THRB: variants seen among roughly 807,000 people sequenced by gnomAD.
The protein encoded by THRB is thyroid hormone receptor beta, also known as nuclear receptor subfamily 1 group A member 2.
A neutral mutation model predicts 47.8 loss-of-function variants in THRB; 12 were observed. The ratio of observed to expected loss-of-function variants is 0.25; its 90% CI spans 0.16 to 0.41. The LOEUF is 0.41. THRB is among the 10% of genes least tolerant of loss of function. The probability of loss-of-function intolerance (pLI) is 1.00; values close to 1 mark genes in which losing one functional copy is unlikely to be tolerated. For missense variants in THRB, 348 were observed against 589.2 expected, an observed-to-expected ratio of 0.59 and a Z score of 4.24; for synonymous variants, 218 against 212.2, an observed-to-expected ratio of 1.03 and a Z score of -0.24.
At chr3:24,442,571 T>A (rs2071634121) in intron 1 of THRB, among the ~76,000 whole-genome samples, 1 of 152,198 alleles carries the variant, frequency 6.6e-6, no homozygotes, top group Non-Finnish European at 1.5e-5. Flanking sequence ...ACGCCTGTAA[T>A]CCCAGCACTT....
chr3:24,350,309 G>A (rs1485481163), intron 1 of THRB, among the ~76,000 whole-genome samples: 1 of 152,024 alleles, frequency 6.6e-6, no homozygotes, highest in Non-Finnish European at 1.5e-5. Context: ...ATCTCCTAAA[G>A]CTGAATACAC....
intron 1 of THRB, among the ~76,000 whole-genome samples, chr3:24,382,144 T>G (rs560964207): frequency 1.3e-5 from 2 of 151,972 alleles, no homozygotes; most frequent in African/African-American, 4.8e-5. Context: ...AAAGATAAGA[T>G]GAACAGATAA....
chr3:24,397,795 G>C, intron 1 of THRB, among the ~76,000 whole-genome samples: 1 of 151,884 alleles, frequency 6.6e-6, no homozygotes, highest in East Asian at 1.9e-4. Flanking sequence ...ATGTTGGTCA[G>C]GCTGGTTTCA....
chr3:24,374,933 G>A (rs546640387), intron 1 of THRB, among the ~76,000 whole-genome samples: 1 of 151,974 alleles, frequency 6.6e-6, no homozygotes, highest in Non-Finnish European at 1.5e-5. Context: ...ATACTTACCA[G>A]GCATGTAAAA....
intron 1 of THRB, among the ~76,000 whole-genome samples, chr3:24,355,389 TC>T (rs2063612062): frequency 6.6e-6 from 1 of 152,118 alleles, no homozygotes; most frequent in Admixed American, 6.6e-5. Context: ...CAGCATGATA[TC>T]CTGGAATGGA....
At chr3:24,289,610 A>G (rs1415739478) in intron 3 of THRB, among the ~76,000 whole-genome samples, 1 of 152,364 alleles carries the variant, frequency 6.6e-6, no homozygotes, top group Non-Finnish European at 1.5e-5. Flanking sequence ...CGTGAAAATT[A>G]AAATACCACT....
chr3:24,472,741 G>A (rs1232113000), intron 1 of THRB, among the ~76,000 whole-genome samples: 1 of 152,106 alleles, frequency 6.6e-6, no homozygotes, highest in Non-Finnish European at 1.5e-5. Flanking sequence ...ATAATGGAAG[G>A]GAACACTATT....
chr3:24,437,493 T>C (rs1487277279), intron 1 of THRB, among the ~76,000 whole-genome samples: 2 of 152,084 alleles, frequency 1.3e-5, no homozygotes, highest in Non-Finnish European at 2.9e-5. Context: ...TAGTTAACAA[T>C]TGACTGTACA....
intron 3 of THRB, among the ~76,000 whole-genome samples, chr3:24,292,803 G>A (rs2056068135): frequency 6.6e-6 from 1 of 152,250 alleles, no homozygotes; most frequent in Admixed American, 6.5e-5. Context: ...CTGCATGTTT[G>A]GACCAGATCC....
intron 3 of THRB, among the ~76,000 whole-genome samples, chr3:24,240,586 GAATA>G (rs1299236711): frequency 6.6e-6 from 1 of 152,184 alleles, no homozygotes; most frequent in Non-Finnish European, 1.5e-5. Context: ...CTCAGTAGAT[GAATA>G]AATGACCGGT....
chr3:24,183,366 T>TAC (rs2042160791), intron 5 of THRB, among the ~76,000 whole-genome samples: 1 of 76,438 alleles, frequency 1.3e-5, no homozygotes, highest in African/African-American at 5.1e-5. Context: ...CTTTTTTCTT[T>TAC]TCTTTTTTTT....
At chr3:24,364,655 C>T (rs1423217439) in intron 1 of THRB, among the ~76,000 whole-genome samples, 1 of 152,038 alleles carries the variant, frequency 6.6e-6, no homozygotes, top group Non-Finnish European at 1.5e-5. Flanking sequence ...CATGTACAAA[C>T]AAGACATAAT....
chr3:24,401,321 T>C (rs1322388758), intron 1 of THRB, among the ~76,000 whole-genome samples: 1 of 152,060 alleles, frequency 6.6e-6, no homozygotes, highest in Non-Finnish European at 1.5e-5. Flanking sequence ...TTTTTCTGGA[T>C]CATAAGGTCT....
At chr3:24,388,199 A>G (rs2066284832) in intron 1 of THRB, among the ~76,000 whole-genome samples, 1 of 152,138 alleles carries the variant, frequency 6.6e-6, no homozygotes, top group African/African-American at 2.4e-5. Context: ...GCCAAGGTAT[A>G]AAGGCCCAGC....
intron 1 of THRB, among the ~76,000 whole-genome samples, chr3:24,346,777 A>G (rs1420035524): frequency 1.3e-5 from 2 of 152,072 alleles, no homozygotes; most frequent in Non-Finnish European, 2.9e-5. Flanking sequence ...AAATATATAA[A>G]GCCAACATTG....
intron 1 of THRB, among the ~76,000 whole-genome samples, chr3:24,440,883 A>G (rs1217034900): frequency 6.6e-6 from 1 of 152,136 alleles, no homozygotes; most frequent in Non-Finnish European, 1.5e-5. Flanking sequence ...ATTCCTACCA[A>G]ATTAACAGCT....
At chr3:24,183,458 C>G (rs549458906) in intron 5 of THRB, among the ~76,000 whole-genome samples, 12 of 150,216 alleles carry the variant, frequency 8.0e-5, no homozygotes, top group Admixed American at 7.9e-4. Flanking sequence ...CCTCTGCCTC[C>G]TGGGTTCCAA....
chr3:24,381,329 G>A (rs917639455), intron 1 of THRB, among the ~76,000 whole-genome samples: 1 of 152,114 alleles, frequency 6.6e-6, no homozygotes, highest in African/African-American at 2.4e-5. Flanking sequence ...TTCCAGGAGA[G>A]AAAAGCACTT....
intron 1 of THRB, among the ~76,000 whole-genome samples, chr3:24,448,450 T>C (rs1355821080): frequency 2.0e-5 from 3 of 152,240 alleles, no homozygotes; most frequent in Non-Finnish European, 4.4e-5. Context: ...TAGATAACTA[T>C]GTAAACATTT....
Sources: gnomAD v4.1 joint callset for allele counts (sites outside exome capture counted in the v4.1 genomes callset) on GRCh38, gnomAD v4.1.1 for gene constraint, MANE v1.5 for transcripts, NCBI Gene and HGNC (gene_info 2026-07-23, HGNC 2026-07-21) for gene names.